The following NAP1L4 variants were observed in gnomAD, a reference collection of about 807,000 sequenced individuals.
NAP1L4 encodes nucleosome assembly protein 1-like 4.
NAP1L4 carries 15 observed loss-of-function variants against 58.2 expected under a neutral mutation model. The observed-to-expected ratio is 0.26, with a 90% CI of 0.17 to 0.40. The LOEUF is 0.40. NAP1L4 is among the 10% of genes least tolerant of loss of function. NAP1L4 has a pLI of 1.00. For missense variants in NAP1L4, 384 were observed against 451.1 expected, an observed-to-expected ratio of 0.85 and a Z score of 1.35; for synonymous variants, 171 against 155.6, an observed-to-expected ratio of 1.10 and a Z score of -0.74.
At position 2,976,085 on chromosome 11, in the gene NAP1L4, G is replaced by T; in HGVS notation, c.112C>A (p.Leu38Met). 2 of 1,614,046 alleles carry T rather than the reference G, an allele frequency of 1.2e-6. No individual in the cohort carries two copies. The highest frequency in any genetic ancestry group is 1.7e-6 in the Non-Finnish European group (2 of 1,180,010). The change falls in exon 4 of 16, where the codon CTG (leucine) becomes ATG (methionine). Residue 38 changes from leucine to methionine, a missense_variant. Leu to Met is a conservative substitution (Grantham distance 15, BLOSUM62 2). Transcript: ENST00000380542. ...TDQVMQNPRVLAALQERLDNV... is the reference protein window; with the variant it reads ...TDQVMQNPRVMAALQERLDNV... ...TCAAGTCGCTCCTGTAAAGCTGCCA[G>T]AACTCGAGGATTCTGCATCACCTGA...
At chr11:2,968,622 A>T (rs1847433141) in intron 7 of NAP1L4, among the ~76,000 whole-genome samples, 1 of 152,200 alleles carries the variant, frequency 6.6e-6, no homozygotes, top group Non-Finnish European at 1.5e-5. Flanking sequence ...CATTTGTGAA[A>T]ACCATTAAAA....
Position 2,955,308 on chromosome 11 carries a change from T to G in NAP1L4, c.915+436A>C, listed in dbSNP as rs1211592958. Among the ~76,000 whole-genome samples, 1 of 152,098 alleles carries G rather than the reference T, an allele frequency of 6.6e-6. No homozygotes were observed. The highest frequency in any genetic ancestry group is 1.5e-5 in the Non-Finnish European group (1 of 68,012). The stretch of plus-strand genomic sequence containing the variant: ...TCCTCTCGGGTTCAAGTGATTCTCC[T>G]GCTTGAGCCTCCTGAGTAGCTGAGA... On this transcript the variant is annotated intron_variant, in intron 11 of 15. Coordinates refer to ENST00000380542, the MANE Select transcript of NAP1L4 (RefSeq NM_005969.4). This position sits in a 1 kb window ranked among gnomAD's most constrained non-coding sequence, Gnocchi z 4.2.
intron 4 of NAP1L4, among the ~76,000 whole-genome samples, chr11:2,975,248 T>A (rs1212889786): frequency 6.6e-6 from 1 of 151,066 alleles, no homozygotes; most frequent in Admixed American, 6.6e-5. Context: ...AGCTCAGGAG[T>A]TCAAGGTTAC....
Position 2,959,077 on chromosome 11 carries a change from A to G in NAP1L4, c.747-533T>C, listed in dbSNP as rs1217353299. ...ACCCAGGCAACACCTGGCAGATCTC[A>G]ATACTGCCCGCTTAAGAACATGCTT... On this transcript the variant is annotated intron_variant, in intron 9 of 15. Coordinates refer to ENST00000380542, the MANE Select transcript of NAP1L4 (RefSeq NM_005969.4). This position sits in a 1 kb window ranked among gnomAD's most constrained non-coding sequence, Gnocchi z 4.9. 6.3e-6 allele frequency: 1 copy of G among 158,016 alleles called. No individual in the cohort carries two copies. The highest frequency in any genetic ancestry group is 1.9e-4 in the East Asian group (1 of 5,354). The allele number at this position is 158,016 out of a possible 1,614,324, so 9.8% of individuals were successfully genotyped here.
chr11:2,974,369 C>T (rs955689463), intron 4 of NAP1L4, among the ~76,000 whole-genome samples: 1 of 152,204 alleles, frequency 6.6e-6, no homozygotes, highest in Non-Finnish European at 1.5e-5. Context: ...GGAACCACTT[C>T]TAGTCCCACA....
chr11:2,944,699 G>A lies in NAP1L4; in HGVS notation c.*980C>T, dbSNP rs895498232. ...CCGCAATGGGGCTACTGAGAAAGCA[G>A]GACTTGACGCTCATACGCTCCACTG... is the stretch of plus-strand genomic sequence containing the variant. On this transcript the variant is annotated 3_prime_UTR_variant, in exon 16 of 16. Coordinates refer to ENST00000380542, the MANE Select transcript of NAP1L4 (RefSeq NM_005969.4). The A allele has an allele frequency of 7.2e-5, 11 of 152,252 alleles. No homozygotes were observed. Among genetic ancestry groups the A allele is most frequent in the Non-Finnish European group, 1.5e-4 (10 of 68,060 alleles). 9.4% of individuals were successfully genotyped at this position (152,252 alleles called of 1,614,324 possible).
intron 8 of NAP1L4, among the ~76,000 whole-genome samples, chr11:2,962,731 T>C (rs1393283957): frequency 6.6e-6 from 1 of 150,768 alleles, no homozygotes; most frequent in Admixed American, 6.6e-5. Context: ...TGAGTCACAA[T>C]GAGATGGAGA....
intron 1 of NAP1L4, chr11:2,991,419 T>C: frequency 5.0e-6 from 1 of 200,694 alleles, no homozygotes; most frequent in Non-Finnish European, 1.1e-5. Flanking sequence ...CATGGCACTT[T>C]CCCATCCATA....
At chr11:2,960,211 C>T (rs1162078773) in intron 8 of NAP1L4, 2 of 294,386 alleles carry the variant, frequency 6.8e-6, no homozygotes, top group East Asian at 1.4e-4. Flanking sequence ...GCTCCCAGCC[C>T]TTGCTTCCTG....
Position 2,961,343 on chromosome 11 carries a change from C to G in NAP1L4, c.607-1434G>C, listed in dbSNP as rs79821232. On this transcript the variant is annotated intron_variant, in intron 8 of 15. Coordinates refer to ENST00000380542, the MANE Select transcript of NAP1L4 (RefSeq NM_005969.4). Reference sequence around the variant, plus strand: ...ATCTGGCTAGGAGCTCTCCACTGGCCTTGGCAAGAGCAAAGGAAGCGGGTA... The same window carrying G: ...ATCTGGCTAGGAGCTCTCCACTGGCGTTGGCAAGAGCAAAGGAAGCGGGTA... 3.6e-4 allele frequency among the ~76,000 whole-genome samples: 55 copies of G among 152,118 alleles called. No individual in the cohort carries two copies. The East Asian group carries it at 0.01, about 28-fold the overall frequency.
chr11:2,978,422 C>G, intron 2 of NAP1L4, 80 bp from the exon 3 acceptor site: 1 of 1,321,298 alleles, frequency 7.6e-7, no homozygotes, highest in Non-Finnish European at 1.1e-6. Flanking sequence ...GTTTCTTATT[C>G]AATATATTAA....
At chr11:2,956,578 C>T (rs1320639934) in intron 10 of NAP1L4, among the ~76,000 whole-genome samples, 1 of 152,252 alleles carries the variant, frequency 6.6e-6, no homozygotes, top group Non-Finnish European at 1.5e-5. Context: ...GCTGCTGAGA[C>T]ATGAATGTTG....
At chr11:2,981,587 C>T (rs2071108) in intron 1 of NAP1L4, 42,585 of 151,886 alleles carry the variant, frequency 0.28, 6,692 homozygotes, top group African/African-American at 0.42. Context: ...CCAGCACTTT[C>T]GGAGGCTGAG....
In NAP1L4 at chr11:2,958,517, C is replaced by A. The variant is rs756414468; in HGVS notation, c.774G>T (p.Lys258Asn). 6.2e-7 allele frequency: 1 copy of A among 1,614,104 alleles called. No homozygotes were observed. The highest frequency in any genetic ancestry group is 1.1e-5 in the South Asian group (1 of 91,064). The change falls in exon 10 of 16, where the codon AAG becomes AAT. Residue 258 changes from lysine (K) to asparagine (N), a missense_variant. Around this residue, in one of 3 missense-constraint regions of NAP1L4, gnomAD observed 296 missense variants for 360.8 expected, o/e 0.82. Coordinates refer to ENST00000380542, the MANE Select transcript of NAP1L4 (RefSeq NM_005969.4). The part of the protein sequence containing the change: ...DGCTIDWKKG[K>N]NVTVKTIKKK... ...TCTTGATGGTTTTGACAGTAACATT[C>A]TTTCCTTTCTTCCAGTCAATAGTAC...
In NAP1L4 at chr11:2,955,700, A is replaced by G. The variant is rs747282143; in HGVS notation, c.915+44T>C. The G allele has an allele frequency of 2.5e-6, 4 of 1,591,194 alleles. No homozygotes were observed. The highest frequency in any genetic ancestry group is 1.7e-4 in the Middle Eastern group (1 of 6,010). On this transcript the variant is annotated intron_variant, in intron 11 of 15. Transcript: ENST00000380542. This position sits in a 1 kb window ranked among gnomAD's most constrained non-coding sequence, Gnocchi z 4.2. ...GTAGACAAGTAGACATTCACTCAGGAGAGACTTCAACAGGAAAATAAGACT... is the reference window on the plus strand; with the variant it reads ...GTAGACAAGTAGACATTCACTCAGGGGAGACTTCAACAGGAAAATAAGACT...
In NAP1L4 at chr11:2,969,851, G is replaced by C; in HGVS notation, c.486C>G (p.Phe162Leu). 1 of 1,613,924 alleles carries C rather than the reference G, an allele frequency of 6.2e-7. No individual in the cohort carries two copies. The highest frequency in any genetic ancestry group is 8.5e-7 in the Non-Finnish European group (1 of 1,179,862). ...EEPDPKGIPE[F>L]WFTIFRNVDM... ...CCACATTTCTGAAGATGGTAAACCAGAACTCTGGAATTCCTTTGGGATCTG... is the reference window on the plus strand; with the variant it reads ...CCACATTTCTGAAGATGGTAAACCACAACTCTGGAATTCCTTTGGGATCTG... Residue 162 changes from phenylalanine to leucine, a missense_variant, in exon 7 of 16, where the codon TTC becomes TTG. Phe to Leu is a conservative substitution (Grantham distance 22, BLOSUM62 0). Transcript: ENST00000380542.
rs907899822 is a variant in NAP1L4, at chr11:2,959,059, C to T, written c.747-515G>A. On this transcript the variant is annotated intron_variant, in intron 9 of 15. Transcript: ENST00000380542. This position sits in a 1 kb window ranked among gnomAD's most constrained non-coding sequence, Gnocchi z 4.9. ...AACACACAATCACCACAGACCCAGG[C>T]AACACCTGGCAGATCTCAATACTGC... The T allele has an allele frequency of 3.8e-5, 6 of 158,742 alleles. No homozygotes were observed. The highest frequency in any genetic ancestry group is 7.0e-5 in the Non-Finnish European group (5 of 71,674). The allele number at this position is 158,742 out of a possible 1,614,324, so 9.8% of individuals were successfully genotyped here. A position where few individuals can be genotyped will look rare whatever the true frequency, so the allele number is the denominator to read the frequency against.
chr11:2,977,751 G>C (rs997042115), intron 3 of NAP1L4, among the ~76,000 whole-genome samples: 1 of 151,958 alleles, frequency 6.6e-6, no homozygotes, highest in African/African-American at 2.4e-5. Flanking sequence ...AGGGAGTGGG[G>C]AGTACAGATA....
chr11:2,958,264 A>C (rs1234675042), intron 10 of NAP1L4, 135 bp downstream of exon 10: 1 of 876,668 alleles, frequency 1.1e-6, no homozygotes. Flanking sequence ...ACAGCCTGGG[A>C]CACAGCAATG....
Sources: gnomAD v4.1 joint callset for allele counts (sites outside exome capture counted in the v4.1 genomes callset) on GRCh38, gnomAD v4.1.1 for gene constraint, gnomAD v4.1.1 regional missense constraint, Gnocchi (gnomAD v3.1) non-coding constraint, MANE v1.5 for transcripts, NCBI Gene and HGNC (gene_info 2026-07-23, HGNC 2026-07-21) for gene names.